The following DGKH variants were observed in gnomAD, a reference collection of about 807,000 sequenced individuals.
The protein encoded by DGKH is diacylglycerol kinase eta, also known as DAG kinase eta.
Under a neutral mutation model 159.3 loss-of-function variants are expected in DGKH, and 90 were observed. The ratio of observed to expected loss-of-function variants is 0.57; its 90% CI spans 0.48 to 0.67. The LOEUF (loss-of-function observed/expected upper bound fraction) is 0.67, where lower values mean the gene tolerates loss of function less well. Among genes scored for constraint, DGKH ranks in the 30% least tolerant of loss-of-function variants. The pLI is 0.00. For synonymous variants in DGKH, 536 were observed against 553.8 expected (o/e 0.97, Z 0.45); for missense variants, 1,181 against 1,506.1 (o/e 0.78, Z 3.57).
At position 42,165,376 on chromosome 13, in the gene DGKH, G is replaced by T; in HGVS notation, c.901G>T (p.Gly301Cys). The change falls in exon 8 of 30, where the codon GGT becomes TGT. Residue 301 changes from glycine (G) to cysteine (C), a missense_variant. Gly to Cys is a radical substitution (Grantham distance 159). Around this residue, in one of 5 missense-constraint regions of DGKH, gnomAD observed 369 missense variants for 519.4 expected, o/e 0.71. Coordinates refer to ENST00000337343, the MANE Select transcript of DGKH (RefSeq NM_178009.5). ...TTTATACCATCCAATATGTCCACTT[G>T]GTCAATGTAAAGTATCTATCATACC... ...KDLYHPICPLGQCKVSIIPPI... is the reference protein window; with the variant it reads ...KDLYHPICPLCQCKVSIIPPI... 6.3e-7 allele frequency: 1 copy of T among 1,592,836 alleles called. No homozygotes were observed. The highest frequency in any genetic ancestry group is 8.5e-7 in the Non-Finnish European group (1 of 1,171,256).
chr13:42,054,310 A>G (rs999384374), intron 1 of DGKH, among the ~76,000 whole-genome samples: 4 of 152,256 alleles, frequency 2.6e-5, no homozygotes, highest in African/African-American at 7.2e-5. Flanking sequence ...AATAGATGGG[A>G]AACAGAAACA....
At chr13:42,170,419 A>T (rs1314707860) in intron 11 of DGKH, among the ~76,000 whole-genome samples, 7 of 152,180 alleles carry the variant, frequency 4.6e-5, no homozygotes, top group Admixed American at 3.3e-4. Context: ...TCTCAAAAAA[A>T]ATTAAAAATA....
At chr13:42,219,898 G>A (rs1957922866) in intron 28 of DGKH, 104 bp downstream of exon 28, 1 of 991,700 alleles carries the variant, frequency 1.0e-6, no homozygotes. Flanking sequence ...GATGGTGGTT[G>A]AGCATTGTGC....
At chr13:42,225,776 A>C (rs962958425) in intron 29 of DGKH, among the ~76,000 whole-genome samples, 14 of 140,702 alleles carry the variant, frequency 1.0e-4, no homozygotes, top group Admixed American at 7.5e-4. Flanking sequence ...CTGTCTCAAA[A>C]AAAAAAAAAA....
chr13:42,217,425 T>C, intron 26 of DGKH, among the ~76,000 whole-genome samples: 1 of 151,794 alleles, frequency 6.6e-6, no homozygotes, highest in Non-Finnish European at 1.5e-5. Flanking sequence ...TTCTTTTCAA[T>C]AGAGACAGAA....
intron 1 of DGKH, among the ~76,000 whole-genome samples, chr13:42,093,239 G>A (rs1452941181): frequency 3.5e-5 from 5 of 144,666 alleles, no homozygotes; most frequent in Non-Finnish European, 6.0e-5. Context: ...GCAAAACTCT[G>A]TCTCCAAAAA....
At chr13:42,158,336 A>G (rs908815423) in intron 5 of DGKH, among the ~76,000 whole-genome samples, 6 of 152,236 alleles carry the variant, frequency 3.9e-5, no homozygotes, top group Admixed American at 1.3e-4. Flanking sequence ...GTATGTTTCC[A>G]CTGAAATGCT....
intron 1 of DGKH, among the ~76,000 whole-genome samples, chr13:42,063,946 A>AT (rs1344394945): frequency 1.9e-3 from 204 of 109,126 alleles, no homozygotes; most frequent in Middle Eastern, 4.2e-3. Context: ...TCTGAAAAAA[A>AT]AAATATATAT....
chr13:42,125,046 C>T (rs1313688056), intron 1 of DGKH, among the ~76,000 whole-genome samples: 1 of 152,174 alleles, frequency 6.6e-6, no homozygotes, highest in Non-Finnish European at 1.5e-5. Flanking sequence ...ACCGTGGCTG[C>T]CATTTGAATC....
At chr13:42,154,260 T>C (rs914390784) in intron 3 of DGKH, among the ~76,000 whole-genome samples, 4 of 152,260 alleles carry the variant, frequency 2.6e-5, no homozygotes, top group Admixed American at 2.0e-4. Flanking sequence ...TAAATAGGTA[T>C]GTGCTTTATT....
chr13:42,224,190 T>C (rs528907700), intron 29 of DGKH, among the ~76,000 whole-genome samples: 23 of 152,338 alleles, frequency 1.5e-4, no homozygotes, highest in African/African-American at 4.8e-4. Flanking sequence ...ATTTCAATCT[T>C]AACATGTCCA....
rs753327049 is a variant in DGKH at position 42,240,509 on chromosome 13, T to C, written c.*11321T>C. The C allele has an allele frequency of 5.9e-5, 9 of 152,174 alleles. No homozygotes were observed. The highest frequency in any genetic ancestry group is 8.8e-5 in the Non-Finnish European group (6 of 68,022). 9.4% of individuals were successfully genotyped at this position (152,174 alleles called of 1,614,324 possible). A position where few individuals can be genotyped will look rare whatever the true frequency, so the allele number is the denominator to read the frequency against. ...AGTGTATACAGTCCACATAAATACA[T>C]ATACTGATTACCTACAGACAATAAT... On this transcript the variant is annotated 3_prime_UTR_variant, in exon 30 of 30. Coordinates refer to ENST00000337343, the MANE Select transcript of DGKH (RefSeq NM_178009.5).
chr13:42,192,254 G>GCC (rs1465649185), intron 16 of DGKH, among the ~76,000 whole-genome samples: 5 of 152,054 alleles, frequency 3.3e-5, no homozygotes, highest in Middle Eastern at 3.2e-3. Flanking sequence ...CATGTTCTAG[G>GCC]ACCCTTGAAG....
At position 42,198,554 on chromosome 13, in the gene DGKH, T is replaced by C; in HGVS notation, c.2244T>C (p.Pro748=). The part of the protein sequence containing the change: ...INKMLLANID[P]FGATPFIDPD... ...AAATGTTACTGGCAAACATTGATCC[T>C]TTTGGTGCCACGCCGTTTATTGACC... Residue 748 remains proline, a synonymous_variant, in exon 18 of 30, where the codon CCT becomes CCC. Transcript: ENST00000337343. 1 of 1,613,752 alleles carries C rather than the reference T, an allele frequency of 6.2e-7. No individual in the cohort carries two copies. Among genetic ancestry groups the C allele is most frequent in the Non-Finnish European group, 8.5e-7 (1 of 1,179,782 alleles).
intron 5 of DGKH, among the ~76,000 whole-genome samples, chr13:42,157,667 A>C (rs1477660376): frequency 6.6e-6 from 1 of 152,224 alleles, no homozygotes; most frequent in Non-Finnish European, 1.5e-5. Context: ...TTTATAACAA[A>C]AATGGTGGAA....
chr13:42,160,576 T>G (rs2137978338), intron 7 of DGKH, among the ~76,000 whole-genome samples: 1 of 152,264 alleles, frequency 6.6e-6, no homozygotes, highest in South Asian at 2.1e-4. Flanking sequence ...AACAGCTGAT[T>G]ATTTATGCCA....
chr13:42,128,309 T>C (rs1955213670), intron 2 of DGKH, among the ~76,000 whole-genome samples: 1 of 152,228 alleles, frequency 6.6e-6, no homozygotes, highest in South Asian at 2.1e-4. Context: ...TTATTTTCAT[T>C]TTTATAAATG....
chr13:42,059,141 A>T (rs1226661635), intron 1 of DGKH, among the ~76,000 whole-genome samples: 3 of 152,344 alleles, frequency 2.0e-5, no homozygotes, highest in African/African-American at 2.4e-5. Context: ...TAATTATTTT[A>T]AAAAATTGGT....
chr13:42,106,500 A>G (rs1954759931), intron 1 of DGKH, among the ~76,000 whole-genome samples: 1 of 152,232 alleles, frequency 6.6e-6, no homozygotes, highest in Admixed American at 6.5e-5. Context: ...AGGACGTAGG[A>G]AAAGAAATGC....
Sources: gnomAD v4.1 joint callset for allele counts (sites outside exome capture counted in the v4.1 genomes callset) on GRCh38, gnomAD v4.1.1 for gene constraint, gnomAD v4.1.1 regional missense constraint, MANE v1.5 for transcripts, NCBI Gene and HGNC (gene_info 2026-07-23, HGNC 2026-07-21) for gene names.